RIF1: variants seen among roughly 807,000 people sequenced by gnomAD.
The protein encoded by RIF1 is telomere-associated protein RIF1.
A neutral mutation model predicts 247.1 loss-of-function variants in RIF1; 45 were observed. The ratio of observed to expected loss-of-function variants is 0.18; its 90% CI spans 0.14 to 0.23. The LOEUF is 0.23. Ranked by LOEUF, RIF1 falls within the 10% of genes least tolerant of loss-of-function variation. RIF1 has a pLI of 1.00. For missense variants in RIF1, 2,967 were observed against 2,862.5 expected (o/e 1.04, Z -0.83); for synonymous variants, 1,087 against 978.8 (o/e 1.11, Z -2.06).
In RIF1 at chr2:151,441,957, C is replaced by A; in HGVS notation, c.1700C>A (p.Pro567Gln). 1 of 1,562,828 alleles carries A rather than the reference C, an allele frequency of 6.4e-7. No homozygotes were observed. The highest frequency in any genetic ancestry group is 8.7e-7 in the Non-Finnish European group (1 of 1,148,132). The change falls in exon 16 of 36, where the codon CCA becomes CAA. Residue 567 changes from proline to glutamine, a missense_variant. Pro to Gln is a moderately conservative substitution (Grantham distance 76, BLOSUM62 -1). Around this residue, in one of 7 missense-constraint regions of RIF1, gnomAD observed 369 missense variants for 322.0 expected, o/e 1.15. Transcript: ENST00000444746. Reference sequence around the variant, plus strand: ...CTTCCTCAGAAAGTATTAGGTTCACCAGCATATCAGGTTGCTAATATGGAT... The same window carrying A: ...CTTCCTCAGAAAGTATTAGGTTCACAAGCATATCAGGTTGCTAATATGGAT... Reference protein sequence around the residue: ...KGLPQKVLGSPAYQVANMDIL... With the variant: ...KGLPQKVLGSQAYQVANMDIL...
intron 7 of RIF1, among the ~76,000 whole-genome samples, chr2:151,422,054 A>G (rs891405219): frequency 4.7e-5 from 7 of 150,212 alleles, no homozygotes; most frequent in African/African-American, 1.7e-4. Flanking sequence ...CTGGTCTCGA[A>G]CTCCTGACCT....
Position 151,464,308 on chromosome 2 carries a change from A to C in RIF1, c.4788A>C (p.Lys1596Asn). 1 of 1,612,302 alleles carries C rather than the reference A, an allele frequency of 6.2e-7. No individual in the cohort carries two copies. The highest frequency in any genetic ancestry group is 8.5e-7 in the Non-Finnish European group (1 of 1,179,624). ...EEKVVKQECIKAENQSHDYKA... is the reference protein window; with the variant it reads ...EEKVVKQECINAENQSHDYKA... ...AAGTGGTGAAACAGGAATGTATAAAAGCTGAAAATCAGTCACATGATTATA... is the reference window on the plus strand; with the variant it reads ...AAGTGGTGAAACAGGAATGTATAAACGCTGAAAATCAGTCACATGATTATA... Residue 1596 changes from lysine (K) to asparagine (N), a missense_variant, in exon 30 of 36, where the codon AAA becomes AAC. Lys to Asn is a moderately conservative substitution (Grantham distance 94, BLOSUM62 0). This residue lies in a region of RIF1 where 2,028 missense variants were observed against 1,825.6 expected (regional missense o/e 1.11). Transcript: ENST00000444746.
intron 6 of RIF1, among the ~76,000 whole-genome samples, chr2:151,417,213 C>T (rs1687353161): frequency 6.6e-6 from 1 of 152,148 alleles, no homozygotes; most frequent in African/African-American, 2.4e-5. Flanking sequence ...AATGTAAACT[C>T]ATAAGTGGGC....
the RIF1 span, chr2:151,513,811 C>T: frequency 2.8e-6 from 2 of 717,616 alleles, no homozygotes; most frequent in Non-Finnish European, 4.7e-6. Flanking sequence ...GATAGTGTCG[C>T]TTGCTACTCT....
At chr2:151,520,497 C>G in the RIF1 span, among the ~76,000 whole-genome samples, 1 of 152,106 alleles carries the variant, frequency 6.6e-6, no homozygotes, top group Admixed American at 6.6e-5. Context: ...ATGCCTTGCA[C>G]TAATAGTTGC....
intron 8 of RIF1, among the ~76,000 whole-genome samples, chr2:151,427,198 G>A (rs950062346): frequency 2.7e-5 from 4 of 150,556 alleles, no homozygotes; most frequent in Non-Finnish European, 4.4e-5. Context: ...TTTCCATTTT[G>A]TACTTTATTT....
downstream of RIF1, among the ~76,000 whole-genome samples, chr2:151,511,541 C>G (rs7558940): frequency 0.64 from 97,322 of 152,016 alleles, 31,500 homozygotes; most frequent in East Asian, 0.77. Context: ...GTTGGACCAG[C>G]GAATCTACAT....
chr2:151,474,442 G>A (rs1051319639), intron 35 of RIF1, among the ~76,000 whole-genome samples: 11 of 152,224 alleles, frequency 7.2e-5, no homozygotes, highest in African/African-American at 2.7e-4. Context: ...ACTTTGGGAG[G>A]CCAAGGTGGG....
the RIF1 span, chr2:151,514,524 G>T: frequency 1.0e-6 from 1 of 990,056 alleles, no homozygotes; most frequent in Non-Finnish European, 1.6e-6. Context: ...AATTTTTAAA[G>T]GGTTCACAGT....
At chr2:151,448,763 G>T (rs1201369452) in intron 20 of RIF1, among the ~76,000 whole-genome samples, 1 of 152,146 alleles carries the variant, frequency 6.6e-6, no homozygotes. Context: ...ACTCCATGAG[G>T]TTAGGGACAT....
chr2:151,512,339 C>CTT (rs943434444), downstream of RIF1, among the ~76,000 whole-genome samples: 16 of 148,664 alleles, frequency 1.1e-4, no homozygotes, highest in East Asian at 5.9e-4. Flanking sequence ...GGGCTTCTCT[C>CTT]TTTTTTTTTT....
Position 151,464,757 on chromosome 2 carries a change from T to A in RIF1, c.5237T>A (p.Leu1746His). 1 of 1,613,814 alleles carries A rather than the reference T, an allele frequency of 6.2e-7. No homozygotes were observed. Among genetic ancestry groups the A allele is most frequent in the Non-Finnish European group, 8.5e-7 (1 of 1,179,912 alleles). The part of the protein sequence containing the change: ...GEKSQPQEKS[L>H]IGLKNTENND... ...AAATCACAACCTCAGGAAAAGTCAC[T>A]CATTGGGTTAAAGAATACAGAAAAT... The change falls in exon 30 of 36, where the codon CTC becomes CAC. Residue 1746 changes from leucine to histidine, a missense_variant. Leu to His is a moderately conservative substitution (Grantham distance 99, BLOSUM62 -3). This residue lies in a region of RIF1 where 2,028 missense variants were observed against 1,825.6 expected (regional missense o/e 1.11). Coordinates refer to ENST00000444746, the MANE Select transcript of RIF1 (RefSeq NM_018151.5).
chr2:151,485,546 C>G (rs2049662559), downstream of RIF1: 1 of 414,168 alleles, frequency 2.4e-6, no homozygotes, highest in Admixed American at 4.1e-5. Context: ...GAGAAAGACT[C>G]TAGGCACAGA....
At chr2:151,524,220 C>T in the RIF1 span, 2 of 1,106,476 alleles carry the variant, frequency 1.8e-6, no homozygotes, top group Non-Finnish European at 2.7e-6. Flanking sequence ...CCCAGCATCC[C>T]TTTGCATTTT....
At position 151,491,487 on chromosome 2, in the gene RIF1, CAA is replaced by C. The variant is rs1401804443; in HGVS notation, c.*416-3739_*416-3738del. The C allele has an allele frequency of 2.1e-5, 10 of 478,766 alleles. No individual in the cohort carries two copies. The East Asian group carries it at 3.2e-4, about 15-fold the overall frequency. The allele number at this position is 478,766 out of a possible 1,614,324, so 29.7% of individuals were successfully genotyped here. A position where few individuals can be genotyped will look rare whatever the true frequency, so the allele number is the denominator to read the frequency against. On this transcript the variant is annotated intron_variant and NMD_transcript_variant, in intron 9 of 13. Coordinates refer to the RIF1 transcript ENST00000454583. ...GGAGACATGCACTGAGGCAGTGAAA[CAA>C]AATTTTTTCTAACTTGAACTTATCT...
chr2:151,454,836 A>G, intron 21 of RIF1, 59 bp from the exon 22 acceptor site: 3 of 1,271,290 alleles, frequency 2.4e-6, no homozygotes, highest in South Asian at 1.5e-5. Flanking sequence ...GTAAAAGTGG[A>G]CAGTGACTCC....
downstream of RIF1, among the ~76,000 whole-genome samples, chr2:151,508,303 T>C (rs1038902980): frequency 7.2e-5 from 11 of 152,344 alleles, no homozygotes; most frequent in Admixed American, 3.3e-4. Context: ...ATACTTTTTC[T>C]TTCCAGGAAA....
chr2:151,439,902 AGTG>A lies in RIF1; in HGVS notation c.1547-119_1547-117del, dbSNP rs1207333742. The A allele has an allele frequency of 5.0e-5, 26 of 521,462 alleles. No homozygotes were observed. The African/African-American group carries it at 5.5e-4, about 11-fold the overall frequency. The allele number at this position is 521,462 out of a possible 1,614,324, so 32.3% of individuals were successfully genotyped here. ...GCAGGAGAATCGCTTGAACCCAGGA[AGTG>A]GTGGTTGCAGTGAGCCAAGGTTGTG... On this transcript the variant is annotated intron_variant, in intron 14 of 35. Coordinates refer to ENST00000444746, the MANE Select transcript of RIF1 (RefSeq NM_018151.5).
chr2:151,466,547 T>C lies in RIF1; in HGVS notation c.6600+427T>C, dbSNP rs535303513. Among the ~76,000 whole-genome samples, 22 of 151,756 alleles carry C rather than the reference T, an allele frequency of 1.4e-4. No homozygotes were observed. The South Asian group carries it at 4.4e-3, about 30-fold the overall frequency. ...CATACATGTTCCAGACCATATCTAA[T>C]TAAAAAAAAAAACTCATGTGCCTTC... On this transcript the variant is annotated intron_variant, in intron 30 of 35. Coordinates refer to ENST00000444746, the MANE Select transcript of RIF1 (RefSeq NM_018151.5).
Sources: gnomAD v4.1 joint callset for allele counts (sites outside exome capture counted in the v4.1 genomes callset) on GRCh38, gnomAD v4.1.1 for gene constraint, gnomAD v4.1.1 regional missense constraint, MANE v1.5 for transcripts, NCBI Gene and HGNC (gene_info 2026-07-23, HGNC 2026-07-21) for gene names.